NKAIN3: variants seen among roughly 807,000 people sequenced by gnomAD.
NKAIN3 encodes sodium/potassium-transporting ATPase subunit beta-1-interacting protein 3.
In NKAIN3, 25 loss-of-function variants were observed where a neutral mutation model predicts 30.2. The ratio of observed to expected loss-of-function variants is 0.83; its 90% CI spans 0.60 to 1.16. NKAIN3 has a LOEUF of 1.16. NKAIN3 is among the 50% of genes most tolerant of loss of function. The pLI is 0.00. For missense variants in NKAIN3, 225 were observed against 254.1 expected, an observed-to-expected ratio of 0.89 and a Z score of 0.78; for synonymous variants, 91 against 89.6, an observed-to-expected ratio of 1.02 and a Z score of -0.09.
chr8:62,756,590 G>A (rs754647559), intron 4 of NKAIN3, among the ~76,000 whole-genome samples: 25 of 151,988 alleles, frequency 1.6e-4, no homozygotes, highest in South Asian at 4.1e-4. Context: ...TCTACATAAC[G>A]TCATATGTTC....
chr8:62,701,824 T>G (rs1814346609), intron 3 of NKAIN3, among the ~76,000 whole-genome samples: 1 of 152,202 alleles, frequency 6.6e-6, no homozygotes, highest in African/African-American at 2.4e-5. Flanking sequence ...ATTTGAAGCC[T>G]GTCTTGCATG....
At position 62,966,714 on chromosome 8, in the gene NKAIN3, T is replaced by C. The variant is rs1823722759; in HGVS notation, c.*1307T>C. Among the ~76,000 whole-genome samples the C allele has an allele frequency of 6.6e-6, 1 of 152,204 alleles. No individual in the cohort carries two copies. Among genetic ancestry groups the C allele is most frequent in the African/African-American group, 2.4e-5 (1 of 41,454 alleles). The stretch of plus-strand genomic sequence containing the variant: ...TGCCCACACTTCTCAATCACTATTT[T>C]TTATATGAAAATAAGTTTTGCTCAC... On this transcript the variant is annotated 3_prime_UTR_variant, in exon 7 of 7. Transcript: ENST00000623646.
At chr8:62,487,824 T>C (rs1267950056) in intron 1 of NKAIN3, among the ~76,000 whole-genome samples, 1 of 152,226 alleles carries the variant, frequency 6.6e-6, no homozygotes, top group Non-Finnish European at 1.5e-5. Context: ...CAGCTGCATT[T>C]AGACTAGTTT....
chr8:62,965,521 C>T lies in NKAIN3; in HGVS notation c.*114C>T. 1 of 984,386 alleles carries T rather than the reference C, an allele frequency of 1.0e-6. No homozygotes were observed. Among genetic ancestry groups the T allele is most frequent in the South Asian group, 4.7e-5 (1 of 21,248 alleles). 61.0% of individuals were successfully genotyped at this position (984,386 alleles called of 1,614,324 possible). A position where few individuals can be genotyped will look rare whatever the true frequency, so the allele number is the denominator to read the frequency against. On this transcript the variant is annotated 3_prime_UTR_variant, in exon 7 of 7. Transcript: ENST00000623646. ...CACGAATCATGGAGCATTTTGGTCA[C>T]AGCCTTTGTATTATTAGCATTGTTC...
At chr8:62,502,099 C>T (rs1807473135) in intron 1 of NKAIN3, among the ~76,000 whole-genome samples, 1 of 152,186 alleles carries the variant, frequency 6.6e-6, no homozygotes, top group African/African-American at 2.4e-5. Context: ...ATCCCTTGCA[C>T]TGTTGCTATA....
rs1443777437 is a variant in NKAIN3, at chr8:62,956,276, G to T, written c.603+2304G>T. 2.0e-5 allele frequency among the ~76,000 whole-genome samples: 3 copies of T among 152,202 alleles called. 1 individual carries two copies. Among genetic ancestry groups the T allele is most frequent in the South Asian group, 4.1e-4 (2 of 4,834 alleles). ...GAAATTGTTAGAGAGGGGAATGAAT[G>T]CTGGCTTTGACTTTCATTAAGCCTC... On this transcript the variant is annotated intron_variant, in intron 6 of 6. Coordinates refer to ENST00000623646, the MANE Select transcript of NKAIN3 (RefSeq NM_001304533.3).
intron 3 of NKAIN3, among the ~76,000 whole-genome samples, chr8:62,710,544 G>A (rs965545983): frequency 3.9e-5 from 6 of 152,032 alleles, no homozygotes; most frequent in Non-Finnish European, 5.9e-5. Context: ...AGCTACCCCT[G>A]CTCACTTTTA....
intron 4 of NKAIN3, among the ~76,000 whole-genome samples, chr8:62,824,851 T>A (rs927159912): frequency 6.6e-6 from 1 of 152,170 alleles, no homozygotes; most frequent in South Asian, 2.1e-4. Context: ...TGATGCCACA[T>A]GCCATTTACC....
chr8:62,449,780 G>C (rs549992075), intron 1 of NKAIN3, among the ~76,000 whole-genome samples: 3 of 152,194 alleles, frequency 2.0e-5, no homozygotes, highest in Non-Finnish European at 4.4e-5. Context: ...AGAAAACATT[G>C]TGTTTATTGG....
chr8:62,479,947 G>A (rs577014361), intron 1 of NKAIN3, among the ~76,000 whole-genome samples: 4 of 152,166 alleles, frequency 2.6e-5, no homozygotes, highest in Admixed American at 6.5e-5. Flanking sequence ...AAATCCCAGC[G>A]TTTCCCCAGA....
chr8:62,949,186 C>A (rs1823210146), intron 5 of NKAIN3, among the ~76,000 whole-genome samples: 1 of 152,176 alleles, frequency 6.6e-6, no homozygotes, highest in Non-Finnish European at 1.5e-5. Context: ...TCCTGAACAG[C>A]AGCACGAGAC....
intron 1 of NKAIN3, among the ~76,000 whole-genome samples, chr8:62,563,910 A>G (rs1036342582): frequency 1.3e-5 from 2 of 152,120 alleles, no homozygotes; most frequent in African/African-American, 4.8e-5. Context: ...CTCTGCAGGG[A>G]ATTTCAAAAC....
At chr8:62,573,166 C>A (rs984296163) in intron 1 of NKAIN3, among the ~76,000 whole-genome samples, 2 of 152,158 alleles carry the variant, frequency 1.3e-5, no homozygotes, top group African/African-American at 4.8e-5. Flanking sequence ...TCAGCCCATT[C>A]CAACCTCTCT....
chr8:62,434,150 T>G (rs1458488179), intron 1 of NKAIN3, among the ~76,000 whole-genome samples: 1 of 152,294 alleles, frequency 6.6e-6, no homozygotes, highest in South Asian at 2.1e-4. Flanking sequence ...AGAAGTAGTC[T>G]GATGGAGACT....
At chr8:62,346,329 C>A (rs1816005328) in intron 1 of NKAIN3, among the ~76,000 whole-genome samples, 1 of 151,902 alleles carries the variant, frequency 6.6e-6, no homozygotes, top group Non-Finnish European at 1.5e-5. Context: ...CACACTGTAA[C>A]CTATAAATAT....
chr8:62,679,192 A>G (rs1813574573), intron 3 of NKAIN3, among the ~76,000 whole-genome samples: 1 of 152,222 alleles, frequency 6.6e-6, no homozygotes. Context: ...GCAGCACAAA[A>G]TGGCAGAAGA....
intron 3 of NKAIN3, among the ~76,000 whole-genome samples, chr8:62,628,215 T>C (rs920624660): frequency 2.0e-5 from 3 of 152,112 alleles, no homozygotes; most frequent in Non-Finnish European, 4.4e-5. Flanking sequence ...ACGTAAGGCA[T>C]GGGCCTGGAG....
At chr8:62,446,291 GTGT>G (rs974912911) in intron 1 of NKAIN3, among the ~76,000 whole-genome samples, 8 of 152,130 alleles carry the variant, frequency 5.3e-5, no homozygotes, top group African/African-American at 1.4e-4. Context: ...GGAAGAGTTA[GTGT>G]TGTTAAAATT....
At chr8:62,469,262 T>G (rs1256413753) in intron 1 of NKAIN3, among the ~76,000 whole-genome samples, 1 of 152,176 alleles carries the variant, frequency 6.6e-6, no homozygotes, top group East Asian at 1.9e-4. Context: ...GAAAACATGT[T>G]TTGAACACAG....
Sources: allele counts gnomAD v4.1 joint callset (sites outside exome capture counted in the v4.1 genomes callset), GRCh38; gene constraint gnomAD v4.1.1; transcripts MANE v1.5; gene names NCBI Gene and HGNC (gene_info 2026-07-23, HGNC 2026-07-21).